Variants in NAALADL2 observed in about 807,000 individuals in gnomAD.
NAALADL2 encodes inactive N-acetylated-alpha-linked acidic dipeptidase-like protein 2.
NAALADL2 carries 76 observed loss-of-function variants against 87.2 expected under a neutral mutation model. The ratio of observed to expected loss-of-function variants is 0.87; its 90% CI spans 0.72 to 1.05. The LOEUF is 1.05. Ranked by LOEUF, NAALADL2 falls within the 50% of genes least tolerant of loss-of-function variation. The probability of loss-of-function intolerance (pLI) is 0.00; values close to 1 mark genes in which losing one functional copy is unlikely to be tolerated. For synonymous variants in NAALADL2, 354 were observed against 331.0 expected (o/e 1.07, Z -0.75); for missense variants, 1,089 against 945.8 (o/e 1.15, Z -1.99).
chr3:174,910,734 A>G (rs577930842), intron 1 of NAALADL2, among the ~76,000 whole-genome samples: 2 of 152,142 alleles, frequency 1.3e-5, no homozygotes, highest in East Asian at 3.9e-4. Context: ...TTGTTAATTG[A>G]TGGCCACTTC....
At chr3:175,699,199 A>G (rs564463572) in intron 11 of NAALADL2, among the ~76,000 whole-genome samples, 2 of 152,106 alleles carry the variant, frequency 1.3e-5, no homozygotes, top group Non-Finnish European at 2.9e-5. Context: ...ATTTGAATCC[A>G]TTAGTTTATA....
chr3:174,849,351 T>C (rs895658166), intron 3 of NAALADL2, among the ~76,000 whole-genome samples: 1 of 152,224 alleles, frequency 6.6e-6, no homozygotes, highest in Non-Finnish European at 1.5e-5. Flanking sequence ...ATTGTACAGC[T>C]GTACAAAAAT....
intron 1 of NAALADL2, among the ~76,000 whole-genome samples, chr3:174,981,801 C>G (rs1745155597): frequency 6.6e-6 from 1 of 152,102 alleles, no homozygotes; most frequent in Non-Finnish European, 1.5e-5. Flanking sequence ...CCTTTTGTTT[C>G]TTTCCATACC....
chr3:175,784,339 A>G (rs1230332426), intron 13 of NAALADL2, among the ~76,000 whole-genome samples: 1 of 151,910 alleles, frequency 6.6e-6, no homozygotes, highest in Non-Finnish European at 1.5e-5. Context: ...GTCCTGGACT[A>G]TTTTTGGTTG....
intron 3 of NAALADL2, among the ~76,000 whole-genome samples, chr3:174,823,872 A>G (rs959927787): frequency 1.3e-5 from 2 of 152,120 alleles, no homozygotes; most frequent in African/African-American, 2.4e-5. Flanking sequence ...CACCATGCCC[A>G]GCTAATTTTT....
chr3:175,632,030 GATA>G (rs1268636735), intron 11 of NAALADL2, among the ~76,000 whole-genome samples: 1 of 151,980 alleles, frequency 6.6e-6, no homozygotes, highest in Non-Finnish European at 1.5e-5. Context: ...TATTAAAAGA[GATA>G]ATAGTAATGT....
Position 175,656,940 on chromosome 3 carries a change from A to G in NAALADL2, c.1896+29554A>G, listed in dbSNP as rs180900597. On this transcript the variant is annotated intron_variant, in intron 11 of 13. Transcript: ENST00000454872. ...TGGCCATTATAATTGAGCACCTATG[A>G]TGTGCCATATGTTGGACGTAGAAAC... 1.5e-4 allele frequency among the ~76,000 whole-genome samples: 23 copies of G among 152,286 alleles called. No homozygotes were observed. The East Asian group carries it at 4.4e-3, about 29-fold the overall frequency.
chr3:174,556,058 TCATA>T (rs1339513232), intron 2 of NAALADL2, among the ~76,000 whole-genome samples: 1 of 151,714 alleles, frequency 6.6e-6, no homozygotes, highest in Admixed American at 6.6e-5. Context: ...TGGTTAGAAT[TCATA>T]CATACAGATA....
intron 5 of NAALADL2, among the ~76,000 whole-genome samples, chr3:175,368,572 A>AGTGTGT (rs3068008): frequency 1.4e-4 from 21 of 149,632 alleles, no homozygotes; most frequent in African/African-American, 4.7e-4. Context: ...GGTGTGTGTG[A>AGTGTGT]GTGTGTGTGT....
chr3:174,804,290 T>C (rs1719200996), intron 3 of NAALADL2, among the ~76,000 whole-genome samples: 1 of 152,186 alleles, frequency 6.6e-6, no homozygotes, highest in African/African-American at 2.4e-5. Context: ...TGTATAGGAA[T>C]GCTTGTGATT....
At chr3:174,766,607 TTTG>T (rs1578844447) in intron 3 of NAALADL2, among the ~76,000 whole-genome samples, 1 of 152,214 alleles carries the variant, frequency 6.6e-6, no homozygotes. Flanking sequence ...GACATCTGTT[TTTG>T]TTGTTATTTC....
intron 2 of NAALADL2, among the ~76,000 whole-genome samples, chr3:174,563,850 T>G: frequency 6.6e-6 from 1 of 152,172 alleles, no homozygotes; most frequent in East Asian, 1.9e-4. Flanking sequence ...TTATGTTTGC[T>G]TTTTCTCTTT....
intron 4 of NAALADL2, among the ~76,000 whole-genome samples, chr3:175,288,683 T>A (rs920487777): frequency 6.6e-6 from 1 of 152,206 alleles, no homozygotes; most frequent in Admixed American, 6.5e-5. Context: ...TAGAATCCAT[T>A]CTGACTTGTC....
intron 13 of NAALADL2, among the ~76,000 whole-genome samples, chr3:175,779,870 ATTCTTACTGATTTTTAT>A (rs1469637583): frequency 6.6e-6 from 1 of 152,116 alleles, no homozygotes; most frequent in African/African-American, 2.4e-5. Context: ...AATGTCTTTT[ATTCTTACTGATTTTTAT>A]TCCTATCACA....
chr3:174,922,196 C>G (rs752350850), intron 1 of NAALADL2, among the ~76,000 whole-genome samples: 1 of 151,222 alleles, frequency 6.6e-6, no homozygotes, highest in African/African-American at 2.4e-5. Context: ...TGTAGTCCTA[C>G]GTTCTTGGGA....
chr3:175,429,841 A>G (rs1271678650), intron 5 of NAALADL2, among the ~76,000 whole-genome samples: 1 of 152,042 alleles, frequency 6.6e-6, no homozygotes, highest in African/African-American at 2.4e-5. Context: ...TGAAAAAGAA[A>G]TGTCACAGGG....
intron 3 of NAALADL2, among the ~76,000 whole-genome samples, chr3:174,762,003 G>A (rs1713039084): frequency 1.3e-5 from 2 of 151,932 alleles, no homozygotes; most frequent in Admixed American, 6.6e-5. Flanking sequence ...ATATTTTAGA[G>A]TTATACATCT....
At chr3:174,478,988 C>T (rs948606379) in intron 1 of NAALADL2, among the ~76,000 whole-genome samples, 9 of 152,318 alleles carry the variant, frequency 5.9e-5, no homozygotes, top group South Asian at 2.1e-4. Flanking sequence ...GGATCACAGG[C>T]GTGAGCCACC....
intron 5 of NAALADL2, among the ~76,000 whole-genome samples, chr3:175,341,555 T>A (rs1762570728): frequency 6.6e-6 from 1 of 152,142 alleles, no homozygotes; most frequent in African/African-American, 2.4e-5. Context: ...GTGGTAACTT[T>A]GTATTTAGTT....
Sources: allele counts gnomAD v4.1 joint callset (sites outside exome capture counted in the v4.1 genomes callset), GRCh38; gene constraint gnomAD v4.1.1; transcripts MANE v1.5; gene names NCBI Gene and HGNC (gene_info 2026-07-23, HGNC 2026-07-21).